KCNQ5: variants seen among roughly 807,000 people sequenced by gnomAD.
The protein encoded by KCNQ5 is potassium voltage-gated channel subfamily Q member 5, also known as potassium voltage-gated channel subfamily KQT member 5.
KCNQ5 carries 30 observed loss-of-function variants against 98.2 expected under a neutral mutation model. The observed-to-expected ratio is 0.31, with a 90% CI of 0.23 to 0.41. The LOEUF is 0.41. Ranked by LOEUF, KCNQ5 falls within the 10% of genes least tolerant of loss-of-function variation. The pLI is 1.00. For missense variants in KCNQ5, 835 were observed against 1,182.5 expected, an observed-to-expected ratio of 0.71 and a Z score of 4.31; for synonymous variants, 458 against 449.4, an observed-to-expected ratio of 1.02 and a Z score of -0.24.
At chr6:72,892,621 CA>C (rs1457749010) in intron 1 of KCNQ5, among the ~76,000 whole-genome samples, 1 of 151,858 alleles carries the variant, frequency 6.6e-6, no homozygotes, top group Non-Finnish European at 1.5e-5. Flanking sequence ...CAACAGGAAA[CA>C]AAGCTCCTTC....
At chr6:72,809,066 A>C (rs1775100351) in intron 1 of KCNQ5, among the ~76,000 whole-genome samples, 1 of 151,958 alleles carries the variant, frequency 6.6e-6, no homozygotes, top group Admixed American at 6.6e-5. Flanking sequence ...CAGCCATAAA[A>C]AAATGATGAG....
intron 11 of KCNQ5, among the ~76,000 whole-genome samples, chr6:73,179,058 C>T (rs892081001): frequency 2.0e-5 from 3 of 152,064 alleles, no homozygotes; most frequent in Non-Finnish European, 1.5e-5. Context: ...CCTTGGGGTC[C>T]GTGCTTTTAA....
Position 72,659,164 on chromosome 6 carries a change from T to G in KCNQ5, c.398+36577T>G, listed in dbSNP as rs551657958. On this transcript the variant is annotated intron_variant, in intron 1 of 13. Transcript: ENST00000370398. ...CACAATATAATTTAATCAATAGTAATCCACTTTTAAATTTCCACCCATATC... is the reference window on the plus strand; with the variant it reads ...CACAATATAATTTAATCAATAGTAAGCCACTTTTAAATTTCCACCCATATC... 8.7e-4 allele frequency among the ~76,000 whole-genome samples: 133 copies of G among 152,312 alleles called. 1 individual carries two copies. The highest frequency in any genetic ancestry group is 3.1e-3 in the African/African-American group (128 of 41,574).
intron 3 of KCNQ5, chr6:73,042,298 C>A: frequency 1.9e-6 from 1 of 518,662 alleles, no homozygotes; most frequent in Non-Finnish European, 3.5e-6. Flanking sequence ...CAAAGAGAGA[C>A]GGAGTTAGTT....
At chr6:72,892,275 G>C (rs1296456456) in intron 1 of KCNQ5, among the ~76,000 whole-genome samples, 3 of 152,198 alleles carry the variant, frequency 2.0e-5, no homozygotes, top group East Asian at 3.8e-4. Flanking sequence ...ACAACTGAAA[G>C]TTCCTGTTCT....
At chr6:73,048,611 G>C (rs982002061) in intron 3 of KCNQ5, among the ~76,000 whole-genome samples, 5 of 152,054 alleles carry the variant, frequency 3.3e-5, no homozygotes, top group Admixed American at 6.5e-5. Context: ...TTAATGCCCT[G>C]GGTTTTTTAG....
At chr6:72,717,710 A>G (rs1285198980) in intron 1 of KCNQ5, among the ~76,000 whole-genome samples, 1 of 152,196 alleles carries the variant, frequency 6.6e-6, no homozygotes, top group Non-Finnish European at 1.5e-5. Flanking sequence ...TTAGTTTAGA[A>G]TCGCTCTCCA....
intron 1 of KCNQ5, among the ~76,000 whole-genome samples, chr6:72,641,564 G>A (rs1386469738): frequency 2.0e-5 from 3 of 152,008 alleles, no homozygotes; most frequent in Non-Finnish European, 4.4e-5. Context: ...GAGAGGTAAG[G>A]CATATCTTCA....
At chr6:72,676,346 C>T (rs9446734) in intron 1 of KCNQ5, among the ~76,000 whole-genome samples, 77,953 of 152,004 alleles carry the variant, frequency 0.51, 23,193 homozygotes, top group African/African-American at 0.82. Context: ...TGTCACAAAG[C>T]AGCAGAATAA....
At chr6:72,674,404 TCAC>T (rs1358126135) in intron 1 of KCNQ5, among the ~76,000 whole-genome samples, 2 of 151,818 alleles carry the variant, frequency 1.3e-5, no homozygotes, top group East Asian at 3.9e-4. Context: ...ACCTCAGAAA[TCAC>T]CACTAAAGAA....
intron 11 of KCNQ5, among the ~76,000 whole-genome samples, chr6:73,174,413 G>T (rs951191049): frequency 6.6e-6 from 1 of 152,138 alleles, no homozygotes; most frequent in African/African-American, 2.4e-5. Context: ...TGACCAAGAC[G>T]CTATCGATTG....
chr6:73,013,431 G>A (rs1770173884), intron 2 of KCNQ5, among the ~76,000 whole-genome samples: 1 of 152,122 alleles, frequency 6.6e-6, no homozygotes, highest in Non-Finnish European at 1.5e-5. Flanking sequence ...TCAAGAACGT[G>A]TATGAAACTG....
At chr6:72,631,766 A>G (rs1011608855) in intron 1 of KCNQ5, among the ~76,000 whole-genome samples, 1 of 152,238 alleles carries the variant, frequency 6.6e-6, no homozygotes, top group Non-Finnish European at 1.5e-5. Flanking sequence ...GACACTAGCT[A>G]CAAGGAAATA....
intron 5 of KCNQ5, among the ~76,000 whole-genome samples, chr6:73,088,843 C>G (rs908456840): frequency 6.6e-6 from 1 of 152,120 alleles, no homozygotes; most frequent in African/African-American, 2.4e-5. Flanking sequence ...TTCCTTTTAC[C>G]TCAATCAATA....
chr6:72,646,260 T>C (rs951877427), intron 1 of KCNQ5, among the ~76,000 whole-genome samples: 21 of 152,124 alleles, frequency 1.4e-4, no homozygotes, highest in African/African-American at 4.1e-4. Flanking sequence ...CATATATATA[T>C]ACATATATAA....
chr6:73,081,699 A>AT (rs1305131588), intron 5 of KCNQ5, among the ~76,000 whole-genome samples: 1 of 152,158 alleles, frequency 6.6e-6, no homozygotes, highest in Non-Finnish European at 1.5e-5. Flanking sequence ...ATATTTGTTG[A>AT]TTTGTTGCCT....
chr6:73,019,175 G>A (rs926370147), intron 2 of KCNQ5, among the ~76,000 whole-genome samples: 2 of 152,146 alleles, frequency 1.3e-5, no homozygotes, highest in African/African-American at 4.8e-5. Flanking sequence ...TGAAGGCCAA[G>A]ATTACTCCAG....
At chr6:72,711,013 A>T (rs146166221) in intron 1 of KCNQ5, among the ~76,000 whole-genome samples, 3 of 152,156 alleles carry the variant, frequency 2.0e-5, no homozygotes, top group African/African-American at 7.2e-5. Context: ...GTAGGAAGCT[A>T]GAAATCAATA....
At chr6:72,990,560 G>A (rs200483990) in intron 1 of KCNQ5, among the ~76,000 whole-genome samples, 6,778 of 95,274 alleles carry the variant, frequency 0.071, 341 homozygotes, top group East Asian at 0.13. Flanking sequence ...ATTTTGGGCT[G>A]AGACGATGGG....
Sources: gnomAD v4.1 joint callset for allele counts (sites outside exome capture counted in the v4.1 genomes callset) on GRCh38, gnomAD v4.1.1 for gene constraint, MANE v1.5 for transcripts, NCBI Gene and HGNC (gene_info 2026-07-23, HGNC 2026-07-21) for gene names.